Variants in ESRRB observed in about 807,000 individuals in gnomAD.
ESRRB encodes steroid hormone receptor ERR2.
Under a neutral mutation model 46.0 loss-of-function variants are expected in ESRRB, and 16 were observed. The observed-to-expected ratio is 0.35, with a 90% CI of 0.24 to 0.53. ESRRB has a LOEUF of 0.53. ESRRB is among the 20% of genes least tolerant of loss of function. ESRRB has a pLI of 0.93. For missense variants in ESRRB, 488 were observed against 607.4 expected (o/e 0.80, Z 2.07); for synonymous variants, 246 against 259.6 (o/e 0.95, Z 0.50).
intron 1 of ESRRB, among the ~76,000 whole-genome samples, chr14:76,403,281 AC>A (rs1238796598): frequency 6.6e-6 from 1 of 152,186 alleles, no homozygotes; most frequent in African/African-American, 2.4e-5. Context: ...CAGGATTTGA[AC>A]CTAGTCCTGT....
intron 1 of ESRRB, among the ~76,000 whole-genome samples, chr14:76,329,762 G>T (rs193268726): frequency 6.6e-5 from 10 of 152,208 alleles, no homozygotes; most frequent in African/African-American, 2.4e-4. Context: ...CTGCCAGCCC[G>T]GGTCCCAGCA....
chr14:76,344,254 T>C (rs1335452963), intron 1 of ESRRB, among the ~76,000 whole-genome samples: 1 of 152,214 alleles, frequency 6.6e-6, no homozygotes, highest in East Asian at 1.9e-4. Flanking sequence ...ATTAGTGTTG[T>C]GCTTTTATTT....
chr14:76,474,662 G>A (rs769042987), intron 3 of ESRRB, among the ~76,000 whole-genome samples: 5 of 152,066 alleles, frequency 3.3e-5, no homozygotes, highest in Non-Finnish European at 7.4e-5. Context: ...CCAACATGGT[G>A]AAACCCTATC....
chr14:76,328,822 T>G (rs1446330676), intron 1 of ESRRB, among the ~76,000 whole-genome samples: 1 of 152,094 alleles, frequency 6.6e-6, no homozygotes, highest in African/African-American at 2.4e-5. Flanking sequence ...AGCCCCTGAG[T>G]CCCAGTTATG....
intron 1 of ESRRB, among the ~76,000 whole-genome samples, chr14:76,383,778 C>G (rs911242515): frequency 6.6e-6 from 1 of 152,022 alleles, no homozygotes; most frequent in Non-Finnish European, 1.5e-5. Context: ...TAATTGGCCC[C>G]CCTGTTCTGA....
chr14:76,365,082 C>T (rs534884496), intron 1 of ESRRB, among the ~76,000 whole-genome samples: 6 of 152,122 alleles, frequency 3.9e-5, no homozygotes, highest in East Asian at 1.9e-4. Flanking sequence ...TCTCATAGTT[C>T]GGGATTTGTT....
intron 1 of ESRRB, among the ~76,000 whole-genome samples, chr14:76,401,343 A>G (rs1195700182): frequency 1.3e-5 from 2 of 152,148 alleles, no homozygotes; most frequent in Non-Finnish European, 1.5e-5. Flanking sequence ...GGTGGCCCCA[A>G]TTTCTGGGCA....
chr14:76,485,175 A>G (rs1262896596), intron 5 of ESRRB, among the ~76,000 whole-genome samples: 1 of 150,962 alleles, frequency 6.6e-6, no homozygotes, highest in Admixed American at 6.6e-5. Flanking sequence ...TAATTAGTGG[A>G]GTCTCCTGCC....
chr14:76,499,092 T>G lies in ESRRB; in HGVS notation c.*634T>G. On this transcript the variant is annotated 3_prime_UTR_variant, in exon 7 of 7. Coordinates refer to ENST00000644823, the MANE Select transcript of ESRRB (RefSeq NM_001379180.1). ...CCTGGGCACCCCACCCCTCGGGGCC[T>G]ACCCCCCTGCCTGTCACCCACCGCG... The G allele has an allele frequency of 3.0e-6, 1 of 330,188 alleles. No homozygotes were observed. The highest frequency in any genetic ancestry group is 6.0e-6 in the Non-Finnish European group (1 of 167,910). 20.5% of individuals were successfully genotyped at this position (330,188 alleles called of 1,614,324 possible). A position where few individuals can be genotyped will look rare whatever the true frequency, so the allele number is the denominator to read the frequency against.
At chr14:76,445,363 C>T (rs541550635) in intron 2 of ESRRB, among the ~76,000 whole-genome samples, 27 of 148,146 alleles carry the variant, frequency 1.8e-4, no homozygotes, top group South Asian at 1.1e-3. Flanking sequence ...CCCAGCTACT[C>T]GAGAGGCTGA....
At position 76,376,978 on chromosome 14, in the gene ESRRB, G is replaced by A. The variant is rs1884793476; in HGVS notation, c.50+527G>A. ...AGGCGGCCAGTGCCGCTCTCGCCTC[G>A]CGGTCTCCGTGGGGCGCCCCGAGGG... On this transcript the variant is annotated intron_variant, in intron 1 of 6. Transcript: ENST00000644823. The surrounding 1 kb of genome is among the most constrained non-coding windows in gnomAD (Gnocchi z 4.1). Among the ~76,000 whole-genome samples the A allele has an allele frequency of 6.6e-6, 1 of 152,186 alleles. No individual in the cohort carries two copies. Among genetic ancestry groups the A allele is most frequent in the African/African-American group, 2.4e-5 (1 of 41,452 alleles).
rs769935944 is a variant in ESRRB at position 76,469,929 on chromosome 14, G to GTTTTTTTTTTTTTTGTTTTTTTTTTTT, written c.577+7282_577+7283insGTTTTTTTTTTTTTTTTTTTTTTTTTT. Among the ~76,000 whole-genome samples, 5 of 78,736 alleles carry GTTTTTTTTTTTTTTGTTTTTTTTTTTT rather than the reference G, an allele frequency of 6.4e-5. No individual in the cohort carries two copies. In the South Asian group the frequency reaches 1.5e-3, roughly 23 times the overall value. 51.7% of individuals were successfully genotyped at this position (78,736 alleles called of 152,430 possible). A position where few individuals can be genotyped will look rare whatever the true frequency, so the allele number is the denominator to read the frequency against. On this transcript the variant is annotated intron_variant, in intron 3 of 6. Transcript: ENST00000644823. ...TAAAGACTAGGCTGTGTTTTTTGTT[G>GTTTTTTTTTTTTTTGTTTTTTTTTTTT]TTTTTTTTTTTTTTCTTTTTTTTTT... is the stretch of plus-strand genomic sequence containing the variant.
chr14:76,415,222 G>T (rs913290216), intron 1 of ESRRB, among the ~76,000 whole-genome samples: 14 of 152,210 alleles, frequency 9.2e-5, no homozygotes, highest in African/African-American at 3.4e-4. Context: ...TCGAACAGTT[G>T]TAGAGGGGTG....
chr14:76,367,084 T>C (rs910570541), upstream of ESRRB, among the ~76,000 whole-genome samples: 1 of 152,142 alleles, frequency 6.6e-6, no homozygotes, highest in African/African-American at 2.4e-5. Context: ...ATTAAGTTAC[T>C]GGTACTTCAT....
intron 2 of ESRRB, among the ~76,000 whole-genome samples, chr14:76,459,186 T>C (rs1243937998): frequency 2.0e-5 from 3 of 152,046 alleles, no homozygotes; most frequent in South Asian, 2.1e-4. Flanking sequence ...ACCTCCGGGG[T>C]TGCTGGGAAC....
At position 76,500,598 on chromosome 14, in the gene ESRRB, C is replaced by T. The variant is rs184082609; in HGVS notation, c.*2140C>T. 6.9e-4 allele frequency: 879 copies of T among 1,271,858 alleles called. 11 individuals carry two copies. In the African/African-American group the frequency reaches 0.011, roughly 16 times the overall value. The allele number at this position is 1,271,858 out of a possible 1,614,324, so 78.8% of individuals were successfully genotyped here. On this transcript the variant is annotated 3_prime_UTR_variant, in exon 7 of 7. Coordinates refer to ENST00000644823, the MANE Select transcript of ESRRB (RefSeq NM_001379180.1). ...CTGTGCTGTGTCCTTGCAGCGGGGC[C>T]GAGGTAGCACCCTGCTCTGTCACTT...
intron 5 of ESRRB, 114 bp from the exon 6 acceptor site, chr14:76,491,333 G>T (rs375295979): frequency 9.7e-7 from 1 of 1,034,110 alleles, no homozygotes. Context: ...AGGGGTGCCA[G>T]GGACACCCCG....
In ESRRB at chr14:76,316,347, A is replaced by T. The variant is rs937773023; in HGVS notation, c.2+5431A>T. Among the ~76,000 whole-genome samples the T allele has an allele frequency of 3.3e-5, 5 of 152,314 alleles. No homozygotes were observed. In the South Asian group the frequency reaches 6.2e-4, roughly 19 times the overall value. The stretch of plus-strand genomic sequence containing the variant: ...TTCCTGATTGAAGCAGGGGACTGGA[A>T]TATGAATCCCAGTGCCATCCAAACT... On this transcript the variant is annotated intron_variant, in intron 1 of 6. Transcript: ENST00000512784.
chr14:76,407,586 C>CTGCT, intron 1 of ESRRB: 1 of 985,896 alleles, frequency 1.0e-6, no homozygotes, highest in Non-Finnish European at 1.2e-6. Context: ...GTCACACAGG[C>CTGCT]TGCTCAGAGG....
Sources: allele counts gnomAD v4.1 joint callset (sites outside exome capture counted in the v4.1 genomes callset), GRCh38; gene constraint gnomAD v4.1.1; non-coding constraint Gnocchi (gnomAD v3.1); transcripts MANE v1.5; gene names NCBI Gene and HGNC (gene_info 2026-07-23, HGNC 2026-07-21).